Variants in FSHR observed in about 807,000 individuals in gnomAD.
The protein encoded by FSHR is follicle stimulating hormone receptor, also known as follicle-stimulating hormone receptor.
A neutral mutation model predicts 52.1 loss-of-function variants in FSHR; 46 were observed. The ratio of observed to expected loss-of-function variants is 0.88; its 90% CI spans 0.70 to 1.13. FSHR has a LOEUF of 1.13. FSHR is among the 50% of genes most tolerant of loss of function. FSHR has a pLI of 0.00. For synonymous variants in FSHR, 399 were observed against 309.6 expected (o/e 1.29, Z -3.03); for missense variants, 964 against 834.6 (o/e 1.16, Z -1.91).
intron 1 of FSHR, among the ~76,000 whole-genome samples, chr2:49,146,270 C>G (rs948006625): frequency 6.6e-6 from 1 of 152,038 alleles, no homozygotes; most frequent in Admixed American, 6.6e-5. Context: ...ATTTTGTAAG[C>G]TTTCTTAAAG....
intron 1 of FSHR, 56 bp downstream of exon 1, chr2:49,154,210 G>T: frequency 6.5e-7 from 1 of 1,539,952 alleles, no homozygotes. Context: ...AATAATAATA[G>T]TACGCAATGC....
At chr2:49,089,877 G>C (rs1670536839) in intron 1 of FSHR, among the ~76,000 whole-genome samples, 1 of 152,152 alleles carries the variant, frequency 6.6e-6, no homozygotes, top group Non-Finnish European at 1.5e-5. Context: ...TCTGCACCAG[G>C]CTTTTCTAAT....
intron 2 of FSHR, among the ~76,000 whole-genome samples, chr2:49,057,983 ACT>A (rs1434618758): frequency 6.6e-6 from 1 of 152,144 alleles, no homozygotes; most frequent in Non-Finnish European, 1.5e-5. Context: ...CATGATAAAA[ACT>A]CTCAATAAAT....
chr2:49,063,392 A>C (rs1156861072), intron 2 of FSHR, among the ~76,000 whole-genome samples: 1 of 151,964 alleles, frequency 6.6e-6, no homozygotes, highest in East Asian at 1.9e-4. Context: ...TATAGAACCA[A>C]CTTACACGTT....
chr2:49,146,712 A>G (rs1672884164), intron 1 of FSHR, among the ~76,000 whole-genome samples: 1 of 152,076 alleles, frequency 6.6e-6, no homozygotes, highest in Non-Finnish European at 1.5e-5. Context: ...AAATCAAAGC[A>G]TTTGAGAATT....
intron 8 of FSHR, among the ~76,000 whole-genome samples, chr2:48,972,166 C>T (rs889707288): frequency 1.3e-5 from 2 of 152,174 alleles, no homozygotes; most frequent in Non-Finnish European, 2.9e-5. Context: ...TTCCACCTTT[C>T]CAGTTGTTCA....
chr2:49,032,189 C>T (rs974951133), intron 2 of FSHR, among the ~76,000 whole-genome samples: 1 of 152,190 alleles, frequency 6.6e-6, no homozygotes, highest in Non-Finnish European at 1.5e-5. Flanking sequence ...CCTAATCCTC[C>T]AGAATTAAGA....
chr2:48,983,457 G>A (rs1320228319), intron 6 of FSHR, among the ~76,000 whole-genome samples: 1 of 152,190 alleles, frequency 6.6e-6, no homozygotes, highest in Non-Finnish European at 1.5e-5. Context: ...ATAACTGTAA[G>A]GTCTTTACAC....
Position 49,094,063 on chromosome 2 carries a change from T to C in FSHR, c.153-25773A>G, listed in dbSNP as rs144244192. On this transcript the variant is annotated intron_variant, in intron 1 of 9. Coordinates refer to ENST00000406846, the MANE Select transcript of FSHR (RefSeq NM_000145.4). ...GTTTCCTGTTTGTTTACTCTATATT[T>C]CATTAGTTTCCTCCTTTCTTCCTTC... Among the ~76,000 whole-genome samples the C allele has an allele frequency of 2.0e-3, 308 of 152,338 alleles. 1 individual carries two copies. Among genetic ancestry groups the C allele is most frequent in the African/African-American group, 6.8e-3 (283 of 41,582 alleles).
Position 48,963,910 on chromosome 2 carries a change from A to G in FSHR, c.911T>C (p.Met304Thr), listed in dbSNP as rs1674356382. The part of the protein sequence containing the change: ...KSILRQEVDY[M>T]TQARGQRSSL... Reference sequence around the variant, plus strand: ...GGATCTCTGACCCCTAGCCTGAGTCATATAATCAACTTCTTGCCTTAAAAT... The same window carrying G: ...GGATCTCTGACCCCTAGCCTGAGTCGTATAATCAACTTCTTGCCTTAAAAT... Residue 304 changes from methionine to threonine, a missense_variant, in exon 10 of 10, where the codon ATG (methionine) becomes ACG (threonine). Transcript: ENST00000406846. 1.9e-6 allele frequency: 3 copies of G among 1,614,068 alleles called. No homozygotes were observed. Among genetic ancestry groups the G allele is most frequent in the Non-Finnish European group, 2.5e-6 (3 of 1,179,950 alleles).
chr2:48,973,745 T>C (rs1674851589), intron 8 of FSHR, among the ~76,000 whole-genome samples: 1 of 152,200 alleles, frequency 6.6e-6, no homozygotes, highest in Non-Finnish European at 1.5e-5. Flanking sequence ...TGTTAGAAGA[T>C]ATACTGGGGA....
At chr2:49,097,691 C>G (rs1028360313) in intron 1 of FSHR, among the ~76,000 whole-genome samples, 1 of 152,116 alleles carries the variant, frequency 6.6e-6, no homozygotes, top group African/African-American at 2.4e-5. Flanking sequence ...GCAGATCACC[C>G]CTGCACTGTG....
chr2:49,137,512 G>A (rs896794395), intron 1 of FSHR, among the ~76,000 whole-genome samples: 14 of 152,036 alleles, frequency 9.2e-5, no homozygotes, highest in Admixed American at 2.6e-4. Flanking sequence ...ATATGGAATT[G>A]CAAGAGACTC....
chr2:49,044,168 T>C (rs1044884906), intron 2 of FSHR, among the ~76,000 whole-genome samples: 3 of 152,214 alleles, frequency 2.0e-5, no homozygotes, highest in Non-Finnish European at 4.4e-5. Flanking sequence ...GCTAGATTGA[T>C]AAAAACAGCT....
intron 2 of FSHR, among the ~76,000 whole-genome samples, chr2:49,022,113 G>C (rs1667746420): frequency 6.6e-6 from 1 of 151,538 alleles, no homozygotes; most frequent in Non-Finnish European, 1.5e-5. Context: ...TAGCTAACAG[G>C]AAGGGCTCAA....
chr2:49,058,757 G>A (rs1669166358), intron 2 of FSHR, among the ~76,000 whole-genome samples: 2 of 151,900 alleles, frequency 1.3e-5, no homozygotes, highest in Admixed American at 1.3e-4. Context: ...GTGGAAAAAG[G>A]CCTCTACAGG....
At chr2:49,060,356 C>G (rs1484712640) in intron 2 of FSHR, among the ~76,000 whole-genome samples, 2 of 151,834 alleles carry the variant, frequency 1.3e-5, no homozygotes, top group African/African-American at 4.8e-5. Context: ...AAAACAAAAA[C>G]AAAAACTCAG....
At chr2:49,140,979 G>A (rs752860211) in intron 1 of FSHR, among the ~76,000 whole-genome samples, 3 of 152,182 alleles carry the variant, frequency 2.0e-5, no homozygotes, top group Non-Finnish European at 4.4e-5. Flanking sequence ...CCTGCTGAGA[G>A]TCAGTTACTT....
intron 4 of FSHR, among the ~76,000 whole-genome samples, chr2:49,013,843 C>T (rs2104198389): frequency 6.6e-6 from 1 of 152,098 alleles, no homozygotes; most frequent in South Asian, 2.1e-4. Flanking sequence ...GGTAGAGCCT[C>T]TGGAAGGTGA....
Sources: gnomAD v4.1 joint callset for allele counts (sites outside exome capture counted in the v4.1 genomes callset) on GRCh38, gnomAD v4.1.1 for gene constraint, MANE v1.5 for transcripts, NCBI Gene and HGNC (gene_info 2026-07-23, HGNC 2026-07-21) for gene names.